UGT2A1: variants seen among roughly 807,000 people sequenced by gnomAD.
UGT2A1 encodes the protein UDP-glucuronosyltransferase 2A1.
A neutral mutation model predicts 45.4 loss-of-function variants in UGT2A1; 61 were observed. That is an observed-to-expected ratio of 1.34 (90% CI 1.09 to 1.66). UGT2A1 has a LOEUF of 1.66. UGT2A1 is among the 40% of genes most tolerant of loss of function. The pLI is 0.00. For synonymous variants in UGT2A1, 229 were observed against 196.2 expected (o/e 1.17, Z -1.40); for missense variants, 649 against 574.3 (o/e 1.13, Z -1.33).
chr4:69,639,461 A>C, intron 2 of UGT2A1: 1 of 1,613,116 alleles, frequency 6.2e-7, no homozygotes, highest in Non-Finnish European at 8.5e-7. Flanking sequence ...AAGCCAGTAC[A>C]GTCACATTGT....
chr4:69,620,662 A>G (rs531415293), intron 3 of UGT2A1, among the ~76,000 whole-genome samples: 2 of 151,354 alleles, frequency 1.3e-5, no homozygotes, highest in African/African-American at 4.8e-5. Context: ...AACCAAAAAA[A>G]AAAAAGAGCC....
chr4:69,650,268 A>G (rs993254761), intron 1 of UGT2A1, among the ~76,000 whole-genome samples: 2 of 152,130 alleles, frequency 1.3e-5, no homozygotes, highest in African/African-American at 4.8e-5. Context: ...CTATTCACAC[A>G]CAGCAGTACC....
intron 3 of UGT2A1, chr4:69,603,455 C>T (rs760225429): frequency 7.3e-6 from 1 of 136,720 alleles, no homozygotes; most frequent in Non-Finnish European, 1.6e-5. Flanking sequence ...GATAAAACCA[C>T]AAAGATAGGG....
chr4:69,604,648 C>A lies in UGT2A1; in HGVS notation c.848-5254G>T, dbSNP rs1719491717. Among the ~76,000 whole-genome samples, 2 of 136,630 alleles carry A rather than the reference C, an allele frequency of 1.5e-5. 1 individual carries two copies. Among genetic ancestry groups the A allele is most frequent in the South Asian group, 4.8e-4 (2 of 4,158 alleles). The allele number at this position is 136,630 out of a possible 152,430, so 89.6% of individuals were successfully genotyped here. On this transcript the variant is annotated intron_variant, in intron 3 of 6. Transcript: ENST00000286604. ...GGCAAATTGGATAAAGAGCCAAGAC[C>A]CATCAGTGTGCTGTATTCAGGAAAC...
In UGT2A1 at chr4:69,589,486, A is replaced by G; in HGVS notation, c.1470T>C (p.Asp490=). 1 of 1,614,104 alleles carries G rather than the reference A, an allele frequency of 6.2e-7. No individual in the cohort carries two copies. The highest frequency in any genetic ancestry group is 1.1e-5 in the South Asian group (1 of 91,080). ...CACAGACCAGCAAGAACCCAATTAC[A>G]TCCAAAGAGTGGTACTGGAACCAGG... ...DLTWFQYHSL[D]VIGFLLVCVT... The change falls in exon 7 of 7, where the codon GAT becomes GAC. Residue 490 remains aspartate, a synonymous_variant. Coordinates refer to ENST00000286604, the MANE Select transcript of UGT2A1 (RefSeq NM_001252275.3).
intron 3 of UGT2A1, among the ~76,000 whole-genome samples, chr4:69,616,779 T>C (rs1318563527): frequency 6.6e-6 from 1 of 151,460 alleles, no homozygotes; most frequent in Non-Finnish European, 1.5e-5. Flanking sequence ...CTTCTCATTA[T>C]AATAAAAATC....
intron 3 of UGT2A1, among the ~76,000 whole-genome samples, chr4:69,622,976 C>A (rs1720837783): frequency 6.6e-6 from 1 of 151,764 alleles, no homozygotes; most frequent in Non-Finnish European, 1.5e-5. Flanking sequence ...TCATAAAGGT[C>A]TCTTTAAAAA....
chr4:69,590,542 G>T (rs1718528363), intron 6 of UGT2A1, among the ~76,000 whole-genome samples: 1 of 152,046 alleles, frequency 6.6e-6, no homozygotes, highest in South Asian at 2.1e-4. Flanking sequence ...GTGTTGGCAG[G>T]ACATTGTTAG....
In UGT2A1 at chr4:69,652,368, C is replaced by G. The variant is rs115971342; in HGVS notation, c.-55+820G>C. Among the ~76,000 whole-genome samples the G allele has an allele frequency of 9.8e-3, 1,460 of 149,366 alleles. 15 individuals are homozygous for G. Among genetic ancestry groups the G allele is most frequent in the Non-Finnish European group, 0.017 (1,169 of 67,614 alleles). ...GCATAATCTCGGGTCACTGCAACCT[C>G]CATTTCCCGGGTTCAAGCTATTCTC... On this transcript the variant is annotated intron_variant, in intron 1 of 6. Coordinates refer to ENST00000286604, the MANE Select transcript of UGT2A1 (RefSeq NM_001252275.3).
intron 2 of UGT2A1, 24 bp from the exon 3 acceptor site, chr4:69,635,846 AAAAAGAG>A (rs1721667066): frequency 1.5e-5 from 2 of 137,110 alleles, no homozygotes; most frequent in African/African-American, 3.5e-5. Flanking sequence ...AAAAAAAAAA[AAAAAGAG>A]AGAGAGAGAG....
chr4:69,597,502 G>T (rs968317877), intron 4 of UGT2A1, among the ~76,000 whole-genome samples: 2 of 152,070 alleles, frequency 1.3e-5, no homozygotes, highest in African/African-American at 4.8e-5. Flanking sequence ...GATGTATCCT[G>T]CATTCCCTGT....
chr4:69,632,713 C>T (rs1184851413), intron 3 of UGT2A1, among the ~76,000 whole-genome samples: 1 of 151,820 alleles, frequency 6.6e-6, no homozygotes, highest in Non-Finnish European at 1.5e-5. Context: ...CAGAATGAAA[C>T]CCTGTCTCTA....
At chr4:69,601,304 G>C (rs1719274085) in intron 3 of UGT2A1, among the ~76,000 whole-genome samples, 2 of 152,116 alleles carry the variant, frequency 1.3e-5, no homozygotes, top group Admixed American at 1.3e-4. Context: ...GACTGACCCA[G>C]CCTCGTGTTC....
rs544960296 is a variant in UGT2A1, at chr4:69,609,440, T to C, written c.848-10046A>G. ...GCCTCAAACTCCTGGGCTCAAGTGA[T>C]ATACCTTGGCCTCCTAAAGAGCTGG... is the stretch of plus-strand genomic sequence containing the variant. On this transcript the variant is annotated intron_variant, in intron 3 of 6. Transcript: ENST00000286604. 2.6e-5 allele frequency among the ~76,000 whole-genome samples: 4 copies of C among 152,278 alleles called. No homozygotes were observed. The South Asian group carries it at 8.3e-4, about 32-fold the overall frequency.
chr4:69,626,519 A>G (rs1409140201), intron 3 of UGT2A1, among the ~76,000 whole-genome samples: 4 of 151,634 alleles, frequency 2.6e-5, no homozygotes, highest in African/African-American at 9.7e-5. Flanking sequence ...ACTTGAGGAT[A>G]TTTATTGGGT....
chr4:69,594,846 A>C, intron 5 of UGT2A1, 150 bp from the exon 6 acceptor site: 1 of 1,064,794 alleles, frequency 9.4e-7, no homozygotes. Flanking sequence ...TTGGAATGTC[A>C]GAAAACTGTG....
intron 3 of UGT2A1, among the ~76,000 whole-genome samples, chr4:69,604,782 T>C (rs1577958078): frequency 7.3e-6 from 1 of 136,238 alleles, no homozygotes; most frequent in South Asian, 2.4e-4. Context: ...TAGTCTCTGA[T>C]AAAACAGACC....
chr4:69,597,274 G>A (rs536334984), intron 4 of UGT2A1, among the ~76,000 whole-genome samples: 31 of 152,240 alleles, frequency 2.0e-4, no homozygotes, highest in South Asian at 1.5e-3. Context: ...ACAATGATGC[G>A]TATGAGACAG....
Position 69,647,053 on chromosome 4 carries a change from A to T in UGT2A1, c.592T>A (p.Ser198Thr). Reference protein sequence around the residue: ...YPPSYVPAVLSELTDQMSFTD... With the variant: ...YPPSYVPAVLTELTDQMSFTD... ...AAAGACATTTGGTCGGTGAGTTCTG[A>T]TAAAACAGCAGGAACATAGGAAGGA... The change falls in exon 2 of 7, where the codon TCA (serine) becomes ACA (threonine). Residue 198 changes from serine (S) to threonine (T), a missense_variant. Transcript: ENST00000286604. 6.2e-7 allele frequency: 1 copy of T among 1,612,992 alleles called. No homozygotes were observed. Among genetic ancestry groups the T allele is most frequent in the African/African-American group, 1.3e-5 (1 of 74,994 alleles).
Sources: gnomAD v4.1 joint callset for allele counts (sites outside exome capture counted in the v4.1 genomes callset) on GRCh38, gnomAD v4.1.1 for gene constraint, MANE v1.5 for transcripts, NCBI Gene and HGNC (gene_info 2026-07-23, HGNC 2026-07-21) for gene names.